Variants in CHDH observed in about 807,000 individuals in gnomAD.
CHDH encodes choline dehydrogenase.
CHDH carries 43 observed loss-of-function variants against 56.9 expected under a neutral mutation model. The observed-to-expected ratio is 0.76, with a 90% CI of 0.59 to 0.97. The LOEUF is 0.97. Among genes scored for constraint, CHDH ranks in the 50% least tolerant of loss-of-function variants. The probability of loss-of-function intolerance (pLI) is 0.00; values close to 1 mark genes in which losing one functional copy is unlikely to be tolerated. For synonymous variants in CHDH, 364 were observed against 348.5 expected (o/e 1.04, Z -0.50); for missense variants, 816 against 821.1 (o/e 0.99, Z 0.08).
chr3:53,824,487 G>A (rs1459074565), intron 2 of CHDH, among the ~76,000 whole-genome samples: 3 of 152,342 alleles, frequency 2.0e-5, no homozygotes, highest in Middle Eastern at 6.8e-3. Flanking sequence ...CCCAGTTCCT[G>A]CAGCAATACA....
At chr3:53,835,833 C>T (rs890527212) in intron 2 of CHDH, among the ~76,000 whole-genome samples, 4 of 152,168 alleles carry the variant, frequency 2.6e-5, no homozygotes, top group African/African-American at 9.7e-5. Flanking sequence ...CATCATCACT[C>T]CGTCACCATC....
chr3:53,817,684 G>T lies in CHDH; in HGVS notation c.*93C>A. On this transcript the variant is annotated 3_prime_UTR_variant, in exon 9 of 9. Transcript: ENST00000315251. ...GTACCACCTGGGTCCTAGTGTGCTA[G>T]ATAGTTTCAGGCAGGAGCCTGGGAG... 2 of 1,098,536 alleles carry T rather than the reference G, an allele frequency of 1.8e-6. No individual in the cohort carries two copies. The highest frequency in any genetic ancestry group is 2.6e-6 in the Non-Finnish European group (2 of 776,068). The allele number at this position is 1,098,536 out of a possible 1,614,324, so 68.0% of individuals were successfully genotyped here. A position where few individuals can be genotyped will look rare whatever the true frequency, so the allele number is the denominator to read the frequency against.
rs1427290228 is a variant in CHDH, at chr3:53,817,707, G to A, written c.*70C>T. The A allele has an allele frequency of 2.2e-6, 3 of 1,365,910 alleles. No homozygotes were observed. The highest frequency in any genetic ancestry group is 2.3e-5 in the Admixed American group (1 of 42,818). The allele number at this position is 1,365,910 out of a possible 1,614,324, so 84.6% of individuals were successfully genotyped here. A position where few individuals can be genotyped will look rare whatever the true frequency, so the allele number is the denominator to read the frequency against. On this transcript the variant is annotated 3_prime_UTR_variant, in exon 9 of 9. Coordinates refer to ENST00000315251, the MANE Select transcript of CHDH (RefSeq NM_018397.5). Reference sequence around the variant, plus strand: ...TAGATAGTTTCAGGCAGGAGCCTGGGAGCAAGGGCTGTGCTGGCCCTCTTG... The same window carrying A: ...TAGATAGTTTCAGGCAGGAGCCTGGAAGCAAGGGCTGTGCTGGCCCTCTTG...
chr3:53,836,107 G>A (rs1008939266), intron 2 of CHDH, among the ~76,000 whole-genome samples: 1 of 152,208 alleles, frequency 6.6e-6, no homozygotes, highest in Non-Finnish European at 1.5e-5. Context: ...GCCCTGTGGT[G>A]GGCTGAGGGG....
intron 2 of CHDH, among the ~76,000 whole-genome samples, chr3:53,829,483 A>C (rs1698266571): frequency 6.6e-6 from 1 of 152,236 alleles, no homozygotes; most frequent in Non-Finnish European, 1.5e-5. Context: ...ATGCACGTGT[A>C]GGGGCAAAGG....
chr3:53,816,631 C>T lies in CHDH; in HGVS notation c.*1146G>A, dbSNP rs563875458. ...GATGGCTCAGGCTGCCAAGTCATTT[C>T]CCAAGACCAGTATGAGAGAGTCCTT... is the stretch of plus-strand genomic sequence containing the variant. On this transcript the variant is annotated 3_prime_UTR_variant, in exon 9 of 9. Transcript: ENST00000315251. 3.3e-5 allele frequency: 5 copies of T among 152,286 alleles called. No homozygotes were observed. The highest frequency in any genetic ancestry group is 5.9e-5 in the Non-Finnish European group (4 of 68,028). 9.4% of individuals were successfully genotyped at this position (152,286 alleles called of 1,614,324 possible). A position where few individuals can be genotyped will look rare whatever the true frequency, so the allele number is the denominator to read the frequency against.
chr3:53,830,820 T>C (rs1470440437), intron 2 of CHDH, among the ~76,000 whole-genome samples: 1 of 152,132 alleles, frequency 6.6e-6, no homozygotes, highest in African/African-American at 2.4e-5. Context: ...CAAATCTCTA[T>C]TTGCTCCATC....
rs971037862 is a variant in CHDH, at chr3:53,846,093, T to G, written c.-141A>C. ...TCCGCGGCTACTCACCCGGGGCGAC[T>G]CGGCCGAGAGCCCGACAGTCGGGAC... is the stretch of plus-strand genomic sequence containing the variant. On this transcript the variant is annotated 5_prime_UTR_variant, in exon 1 of 9. Transcript: ENST00000315251. The G allele has an allele frequency of 1.3e-5, 2 of 152,260 alleles. No homozygotes were observed. The highest frequency in any genetic ancestry group is 1.9e-4 in the East Asian group (1 of 5,160). The allele number at this position is 152,260 out of a possible 1,614,324, so 9.4% of individuals were successfully genotyped here.
chr3:53,826,942 C>T (rs1303185881), intron 2 of CHDH, among the ~76,000 whole-genome samples: 1 of 152,134 alleles, frequency 6.6e-6, no homozygotes, highest in African/African-American at 2.4e-5. Flanking sequence ...TGCCTATATA[C>T]CAGCAACAAA....
At chr3:53,825,389 A>C (rs1282548119) in intron 2 of CHDH, among the ~76,000 whole-genome samples, 3 of 152,236 alleles carry the variant, frequency 2.0e-5, no homozygotes, top group Non-Finnish European at 4.4e-5. Context: ...TATAGTTGAA[A>C]AGGTGGACAG....
chr3:53,817,739 C>T lies in CHDH; in HGVS notation c.*38G>A, dbSNP rs201355737. 967 of 1,544,932 alleles carry T rather than the reference C, an allele frequency of 6.3e-4. 5 individuals carry two copies. The African/African-American group carries it at 0.011, about 17-fold the overall frequency. ...GGCTGTGCTGGCCCTCTTGGCTTAT[C>T]AGGGGGCTTCCCTGGTCATCCTCCA... is the stretch of plus-strand genomic sequence containing the variant. On this transcript the variant is annotated 3_prime_UTR_variant, in exon 9 of 9. Coordinates refer to ENST00000315251, the MANE Select transcript of CHDH (RefSeq NM_018397.5).
Position 53,819,628 on chromosome 3 carries a change from G to A in CHDH, c.1167C>T (p.Ser389=), listed in dbSNP as rs1156852871. ...AHLETGGFIR[S]QPGVPHPDIQ... ...TGTCCGGGTGGGGGACCCCAGGCTG[G>A]CTGCGGATGAACCCACCTGTTTCCA... The change falls in exon 7 of 9, where the codon AGC becomes AGT. Residue 389 remains serine, a synonymous_variant. Transcript: ENST00000315251. The surrounding 1 kb of genome is among the most constrained non-coding windows in gnomAD (Gnocchi z 5.4). The A allele has an allele frequency of 1.9e-6, 3 of 1,612,040 alleles. No individual in the cohort carries two copies. The highest frequency in any genetic ancestry group is 1.3e-5 in the African/African-American group (1 of 74,776).
intron 1 of CHDH, among the ~76,000 whole-genome samples, chr3:53,845,567 C>A (rs946959413): frequency 3.3e-5 from 5 of 152,092 alleles, no homozygotes; most frequent in Admixed American, 2.6e-4. Context: ...AACTTTCCCC[C>A]AAACCCACTG....
At position 53,821,823 on chromosome 3, in the gene CHDH, C is replaced by T. The variant is rs999935305; in HGVS notation, c.856-47G>A. On this transcript the variant is annotated intron_variant, in intron 4 of 8. Coordinates refer to ENST00000315251, the MANE Select transcript of CHDH (RefSeq NM_018397.5). ...CACTCCCTGAAAAGCCAGCTGTTCT[C>T]CTGACTCACAGACCAGCGCCCTACT... 5 of 1,606,206 alleles carry T rather than the reference C, an allele frequency of 3.1e-6. No individual in the cohort carries two copies. The South Asian group carries it at 5.5e-5, about 18-fold the overall frequency.
chr3:53,844,204 T>C (rs1322273594), intron 1 of CHDH, among the ~76,000 whole-genome samples: 1 of 152,222 alleles, frequency 6.6e-6, no homozygotes, highest in Admixed American at 6.5e-5. Flanking sequence ...CCACTTGGCC[T>C]GGGTCTTGGG....
Position 53,817,451 on chromosome 3 carries a change from T to C in CHDH, c.*326A>G, listed in dbSNP as rs1282172894. ...GGAACCACTGCCCTGGGTTAGAGAATGCCACGTGAACACAAGAAAAAGGAT... is the reference window on the plus strand; with the variant it reads ...GGAACCACTGCCCTGGGTTAGAGAACGCCACGTGAACACAAGAAAAAGGAT... On this transcript the variant is annotated 3_prime_UTR_variant, in exon 9 of 9. Coordinates refer to ENST00000315251, the MANE Select transcript of CHDH (RefSeq NM_018397.5). 3.2e-6 allele frequency: 1 copy of C among 310,534 alleles called. No individual in the cohort carries two copies. Among genetic ancestry groups the C allele is most frequent in the Non-Finnish European group, 5.9e-6 (1 of 168,718 alleles). 19.2% of individuals were successfully genotyped at this position (310,534 alleles called of 1,614,324 possible).
At chr3:53,830,302 A>G (rs559464354) in intron 2 of CHDH, among the ~76,000 whole-genome samples, 40 of 152,230 alleles carry the variant, frequency 2.6e-4, no homozygotes, top group African/African-American at 9.2e-4. Flanking sequence ...ACAGCAGTGA[A>G]AATGAAGGAC....
In CHDH at chr3:53,819,398, G is replaced by C; in HGVS notation, c.1263+134C>G. The C allele has an allele frequency of 8.3e-7, 1 of 1,207,862 alleles. No homozygotes were observed. The highest frequency in any genetic ancestry group is 1.2e-6 in the Non-Finnish European group (1 of 859,848). The allele number at this position is 1,207,862 out of a possible 1,614,324, so 74.8% of individuals were successfully genotyped here. Reference sequence around the variant, plus strand: ...TGACACGCTGGGCAGCTGGAAGGCAGGGGACAGGCCTCTGTGTCCCCCACT... The same window carrying C: ...TGACACGCTGGGCAGCTGGAAGGCACGGGACAGGCCTCTGTGTCCCCCACT... On this transcript the variant is annotated intron_variant, in intron 7 of 8. Coordinates refer to ENST00000315251, the MANE Select transcript of CHDH (RefSeq NM_018397.5). This position sits in a 1 kb window ranked among gnomAD's most constrained non-coding sequence, Gnocchi z 5.4.
intron 2 of CHDH, among the ~76,000 whole-genome samples, chr3:53,829,486 G>C (rs1189387194): frequency 6.6e-6 from 1 of 152,152 alleles, no homozygotes; most frequent in African/African-American, 2.4e-5. Flanking sequence ...CACGTGTAGG[G>C]GCAAAGGTTA....
Sources: allele counts gnomAD v4.1 joint callset (sites outside exome capture counted in the v4.1 genomes callset), GRCh38; gene constraint gnomAD v4.1.1; non-coding constraint Gnocchi (gnomAD v3.1); transcripts MANE v1.5; gene names NCBI Gene and HGNC (gene_info 2026-07-23, HGNC 2026-07-21).